The following HNF1B variants were observed in gnomAD, a reference collection of about 807,000 sequenced individuals.
HNF1B encodes hepatocyte nuclear factor 1-beta.
A neutral mutation model predicts 61.7 loss-of-function variants in HNF1B; 8 were observed. The ratio of observed to expected loss-of-function variants is 0.13; its 90% CI spans 0.08 to 0.23. The LOEUF is 0.23. HNF1B is among the 10% of genes least tolerant of loss of function. The pLI, the probability that HNF1B is intolerant of heterozygous loss-of-function variation, is 1.00. For synonymous variants in HNF1B, 314 were observed against 287.7 expected, an observed-to-expected ratio of 1.09 and a Z score of -0.93; for missense variants, 562 against 714.5, an observed-to-expected ratio of 0.79 and a Z score of 2.43.
Position 37,705,040 on chromosome 17 carries a change from A to G in HNF1B, c.1216T>C (p.Ser406Pro). ...CTGACTGGGGGCAAACCTCCTCCTG[A>G]GACTGAGATCTGATGGAGAGAAAAA... ...LSPDGKMISV[S>P]GGGLPPVSTL... The change falls in exon 6 of 9, where the codon TCA becomes CCA. Residue 406 changes from serine (S) to proline (P), a missense_variant. Coordinates refer to ENST00000617811, the MANE Select transcript of HNF1B (RefSeq NM_000458.4). 1.2e-6 allele frequency: 2 copies of G among 1,613,950 alleles called. No individual in the cohort carries two copies. The highest frequency in any genetic ancestry group is 1.7e-6 in the Non-Finnish European group (2 of 1,179,904).
At chr17:37,716,351 C>T (rs1194040876) in intron 4 of HNF1B, among the ~76,000 whole-genome samples, 2 of 152,032 alleles carry the variant, frequency 1.3e-5, no homozygotes, top group Non-Finnish European at 2.9e-5. Context: ...GCGCCCACCA[C>T]CACGCTCAGC....
At chr17:37,716,337 A>ACT (rs1382471765) in intron 4 of HNF1B, among the ~76,000 whole-genome samples, 1 of 151,704 alleles carries the variant, frequency 6.6e-6, no homozygotes, top group Non-Finnish European at 1.5e-5. Flanking sequence ...AGCTGGAACT[A>ACT]CAGGCGCCCA....
At chr17:37,735,307 C>T (rs149158857) in intron 2 of HNF1B, among the ~76,000 whole-genome samples, 220 of 152,330 alleles carry the variant, frequency 1.4e-3, no homozygotes, top group South Asian at 9.9e-3. Flanking sequence ...GCCCTCCAGG[C>T]TATATGCCTC....
At position 37,694,858 on chromosome 17, in the gene HNF1B, G is replaced by T. The variant is rs142648894; in HGVS notation, c.1653+4218C>A. 2.0e-5 allele frequency among the ~76,000 whole-genome samples: 3 copies of T among 152,214 alleles called. No homozygotes were observed. In the South Asian group the frequency reaches 6.2e-4, roughly 32 times the overall value. On this transcript the variant is annotated intron_variant, in intron 8 of 8. Coordinates refer to ENST00000617811, the MANE Select transcript of HNF1B (RefSeq NM_000458.4). Reference sequence around the variant, plus strand: ...GCTTCTAACAACCCACAGTAGCTACGGAAGCAAAGGAATGACTTACATTTG... The same window carrying T: ...GCTTCTAACAACCCACAGTAGCTACTGAAGCAAAGGAATGACTTACATTTG...
At chr17:37,730,651 G>A (rs1045203710) in intron 4 of HNF1B, 3 of 152,300 alleles carry the variant, frequency 2.0e-5, no homozygotes, top group Non-Finnish European at 4.4e-5. Flanking sequence ...CGACAGGTGA[G>A]GGGAGCCAAC....
intron 4 of HNF1B, among the ~76,000 whole-genome samples, chr17:37,726,986 G>A (rs566489612): frequency 6.6e-6 from 1 of 152,246 alleles, no homozygotes; most frequent in African/African-American, 2.4e-5. Flanking sequence ...CAAGGTAGTG[G>A]CCAGGTGAGC....
chr17:37,709,929 C>T (rs184727473), intron 5 of HNF1B, among the ~76,000 whole-genome samples: 2 of 152,176 alleles, frequency 1.3e-5, no homozygotes, highest in African/African-American at 4.8e-5. Flanking sequence ...GTGTTTCTCC[C>T]TCCCTAAGCA....
intron 8 of HNF1B, among the ~76,000 whole-genome samples, chr17:37,696,566 G>T (rs2032392710): frequency 1.3e-5 from 2 of 152,192 alleles, no homozygotes; most frequent in African/African-American, 2.4e-5. Flanking sequence ...TAAACCTTCT[G>T]AGGTCTTCAG....
intron 8 of HNF1B, among the ~76,000 whole-genome samples, chr17:37,691,568 G>A (rs2032206096): frequency 6.6e-6 from 1 of 152,138 alleles, no homozygotes; most frequent in African/African-American, 2.4e-5. Context: ...CAGCTTCCAT[G>A]GGCTGGGTGT....
At chr17:37,697,535 A>G (rs2032425462) in intron 8 of HNF1B, among the ~76,000 whole-genome samples, 2 of 152,206 alleles carry the variant, frequency 1.3e-5, no homozygotes. Context: ...CAACTTGGGA[A>G]AGACAGGAAT....
chr17:37,696,660 T>C (rs1295840341), intron 8 of HNF1B, among the ~76,000 whole-genome samples: 1 of 152,230 alleles, frequency 6.6e-6, no homozygotes, highest in African/African-American at 2.4e-5. Context: ...CCTCAGATAT[T>C]TCTTTATAGC....
intron 7 of HNF1B, among the ~76,000 whole-genome samples, chr17:37,699,989 A>G (rs2032511242): frequency 6.6e-6 from 1 of 152,180 alleles, no homozygotes; most frequent in Non-Finnish European, 1.5e-5. Flanking sequence ...TGCTTACCAA[A>G]CGCAGTTTAC....
Position 37,733,476 on chromosome 17 carries a change from C to G in HNF1B, c.809+81G>C. 8 of 1,515,154 alleles carry G rather than the reference C, an allele frequency of 5.3e-6. No homozygotes were observed. In the South Asian group the frequency reaches 9.0e-5, roughly 17 times the overall value. The allele number at this position is 1,515,154 out of a possible 1,614,324, so 93.9% of individuals were successfully genotyped here. A position where few individuals can be genotyped will look rare whatever the true frequency, so the allele number is the denominator to read the frequency against. Reference sequence around the variant, plus strand: ...CCACACTTATCTGTATAACTAGTGTCTCAATATCCCAGGACCGAGGGGAGG... The same window carrying G: ...CCACACTTATCTGTATAACTAGTGTGTCAATATCCCAGGACCGAGGGGAGG... On this transcript the variant is annotated intron_variant, in intron 3 of 8. Transcript: ENST00000617811.
At chr17:37,740,132 CT>C (rs947525072) in intron 1 of HNF1B, among the ~76,000 whole-genome samples, 37 of 152,070 alleles carry the variant, frequency 2.4e-4, no homozygotes, top group Non-Finnish European at 8.8e-5. Context: ...CCACACCCAG[CT>C]AAATTTTTTA....
chr17:37,719,031 G>A (rs892768420), intron 4 of HNF1B, among the ~76,000 whole-genome samples: 52 of 152,166 alleles, frequency 3.4e-4, no homozygotes, highest in African/African-American at 9.6e-4. Context: ...TTGAACTCCT[G>A]GGCTCAAGGA....
chr17:37,716,961 A>G (rs2033144190), intron 4 of HNF1B, among the ~76,000 whole-genome samples: 3 of 152,100 alleles, frequency 2.0e-5, no homozygotes. Context: ...AGGGGCACAC[A>G]GATATTCCTT....
At chr17:37,702,361 C>A (rs968914015) in intron 6 of HNF1B, among the ~76,000 whole-genome samples, 4 of 152,140 alleles carry the variant, frequency 2.6e-5, no homozygotes, top group Non-Finnish European at 4.4e-5. Flanking sequence ...AAAGGCGAGA[C>A]CCCTGAGCAG....
At chr17:37,729,231 C>T (rs1471191915) in intron 4 of HNF1B, 2 of 151,868 alleles carry the variant, frequency 1.3e-5, no homozygotes, top group Non-Finnish European at 2.9e-5. Flanking sequence ...GAAGCCAGTC[C>T]CTGGGCTTGG....
intron 4 of HNF1B, chr17:37,729,057 T>TA (rs2033602599): frequency 6.6e-6 from 1 of 152,342 alleles, no homozygotes; most frequent in Admixed American, 6.5e-5. Context: ...GGGAAAGGTG[T>TA]CTTTATACAT....
Sources: allele counts gnomAD v4.1 joint callset (sites outside exome capture counted in the v4.1 genomes callset), GRCh38; gene constraint gnomAD v4.1.1; transcripts MANE v1.5; gene names NCBI Gene and HGNC (gene_info 2026-07-23, HGNC 2026-07-21).